Variants in TENM2 observed in about 807,000 individuals in gnomAD.
The protein encoded by TENM2 is teneurin-2.
TENM2 carries 52 observed loss-of-function variants against 245.2 expected under a neutral mutation model. The observed-to-expected ratio is 0.21, with a 90% confidence interval of 0.17 to 0.27. TENM2 has a LOEUF of 0.27. Ranked by LOEUF, TENM2 falls within the 10% of genes least tolerant of loss-of-function variation. TENM2 has a pLI of 1.00. For missense variants in TENM2, 3,046 were observed against 3,666.8 expected (o/e 0.83, Z 4.37); for synonymous variants, 1,363 against 1,438.9 (o/e 0.95, Z 1.19).
At chr5:167,900,023 G>A (rs756666612) in intron 3 of TENM2, among the ~76,000 whole-genome samples, 49 of 146,454 alleles carry the variant, frequency 3.3e-4, no homozygotes, top group Non-Finnish European at 6.6e-4. Flanking sequence ...CATTCTGGAT[G>A]ATGCCAGGAA....
chr5:167,421,430 C>G (rs1035065222), intron 2 of TENM2, among the ~76,000 whole-genome samples: 7 of 152,146 alleles, frequency 4.6e-5, no homozygotes, highest in African/African-American at 1.7e-4. Flanking sequence ...AACTAGAGAT[C>G]AGACCAGCCT....
intron 2 of TENM2, among the ~76,000 whole-genome samples, chr5:167,567,560 T>C (rs1312577947): frequency 1.3e-5 from 2 of 152,154 alleles, no homozygotes; most frequent in African/African-American, 4.8e-5. Flanking sequence ...CCAACTAATG[T>C]ATAAACGATT....
intron 2 of TENM2, among the ~76,000 whole-genome samples, chr5:167,397,731 G>A (rs928734142): frequency 2.6e-5 from 4 of 152,152 alleles, no homozygotes; most frequent in African/African-American, 7.2e-5. Flanking sequence ...TTAAGAAATG[G>A]TATCTGCAAT....
At chr5:167,734,799 G>A (rs1002857932) in intron 2 of TENM2, among the ~76,000 whole-genome samples, 11 of 152,290 alleles carry the variant, frequency 7.2e-5, no homozygotes, top group Admixed American at 2.6e-4. Flanking sequence ...GCACAGCAGA[G>A]GTGATTATAA....
At chr5:167,214,385 C>A in the TENM2 span, among the ~76,000 whole-genome samples, 1 of 152,218 alleles carries the variant, frequency 6.6e-6, no homozygotes, top group East Asian at 1.9e-4. Context: ...AGAAATATGG[C>A]CAGTCCTTAA....
chr5:167,772,084 C>A (rs1009049793), intron 2 of TENM2, among the ~76,000 whole-genome samples: 1 of 152,102 alleles, frequency 6.6e-6, no homozygotes, highest in Non-Finnish European at 1.5e-5. Context: ...ATGAAAGTGG[C>A]ATTTCAGCCA....
At chr5:167,972,583 G>A (rs978162737) in intron 4 of TENM2, among the ~76,000 whole-genome samples, 2 of 151,944 alleles carry the variant, frequency 1.3e-5, no homozygotes, top group African/African-American at 2.4e-5. Context: ...TAAATTCCTG[G>A]AAGTGAAATT....
the TENM2 span, among the ~76,000 whole-genome samples, chr5:167,060,011 T>A: frequency 3.9e-5 from 6 of 152,098 alleles, no homozygotes; most frequent in African/African-American, 1.4e-4. Context: ...CCAGAATAAG[T>A]AAATTTCTAT....
At chr5:167,827,628 C>CGGGT (rs1554126455) in intron 2 of TENM2, among the ~76,000 whole-genome samples, 2 of 34,226 alleles carry the variant, frequency 5.8e-5, no homozygotes, top group African/African-American at 2.2e-4. Context: ...GCTAGGTGGG[C>CGGGT]GGGGGGGGGG....
At chr5:167,850,625 G>A (rs1268637646) in intron 2 of TENM2, among the ~76,000 whole-genome samples, 3 of 152,200 alleles carry the variant, frequency 2.0e-5, no homozygotes, top group East Asian at 1.9e-4. Context: ...GCTTCTGAGA[G>A]TAAGCAAAGC....
the TENM2 span, among the ~76,000 whole-genome samples, chr5:167,058,657 G>T: frequency 7.9e-5 from 12 of 152,100 alleles, no homozygotes; most frequent in Non-Finnish European, 1.5e-4. Context: ...AGGCTGAGAT[G>T]AGAGGATCAC....
At chr5:167,376,366 T>C (rs1005506290) in intron 2 of TENM2, among the ~76,000 whole-genome samples, 6 of 152,192 alleles carry the variant, frequency 3.9e-5, no homozygotes, top group Non-Finnish European at 4.4e-5. Flanking sequence ...CCATTACCAT[T>C]AAAATGTTTA....
At chr5:168,048,235 G>T (rs1243512949) in intron 6 of TENM2, among the ~76,000 whole-genome samples, 1 of 151,912 alleles carries the variant, frequency 6.6e-6, no homozygotes, top group African/African-American at 2.4e-5. Context: ...ATAGGGTGGG[G>T]GTGGGGGAGA....
chr5:168,117,242 A>G (rs1312228285), intron 9 of TENM2, among the ~76,000 whole-genome samples: 1 of 152,192 alleles, frequency 6.6e-6, no homozygotes. Flanking sequence ...GAACTACTAG[A>G]AATTTCATGC....
chr5:167,261,261 A>C, the TENM2 span, among the ~76,000 whole-genome samples: 1 of 152,120 alleles, frequency 6.6e-6, no homozygotes, highest in East Asian at 1.9e-4. Context: ...TACATATGAC[A>C]CAGAGGTTAT....
At chr5:167,340,038 G>A (rs1295958802) in intron 1 of TENM2, among the ~76,000 whole-genome samples, 2 of 152,240 alleles carry the variant, frequency 1.3e-5, no homozygotes, top group South Asian at 2.1e-4. Flanking sequence ...TCAGCCCTTT[G>A]CCTAAAAATT....
intron 2 of TENM2, among the ~76,000 whole-genome samples, chr5:167,830,109 C>A (rs1254865762): frequency 1.3e-5 from 2 of 152,152 alleles, no homozygotes; most frequent in East Asian, 3.9e-4. Flanking sequence ...TTTTATTGAG[C>A]CAAGTATTCA....
At chr5:166,987,062 G>T in the TENM2 span, among the ~76,000 whole-genome samples, 9 of 152,290 alleles carry the variant, frequency 5.9e-5, no homozygotes, top group African/African-American at 1.9e-4. Flanking sequence ...CTACAGCAGT[G>T]ATTTTTCACC....
chr5:167,336,082 G>T (rs906824917), intron 1 of TENM2, among the ~76,000 whole-genome samples: 1 of 151,608 alleles, frequency 6.6e-6, no homozygotes, highest in African/African-American at 2.4e-5. Flanking sequence ...ATACAGTGCT[G>T]CCTCCCTTGT....
Sources: allele counts gnomAD v4.1 joint callset (sites outside exome capture counted in the v4.1 genomes callset), GRCh38; gene constraint gnomAD v4.1.1; transcripts MANE v1.5; gene names NCBI Gene and HGNC (gene_info 2026-07-23, HGNC 2026-07-21).